Variants in PDZRN4 observed in about 807,000 individuals in gnomAD.
The protein encoded by PDZRN4 is PDZ domain-containing RING finger protein 4.
In PDZRN4, 70 loss-of-function variants were observed where a neutral mutation model predicts 99.0. The ratio of observed to expected loss-of-function variants is 0.71; its 90% CI spans 0.58 to 0.86. The LOEUF (loss-of-function observed/expected upper bound fraction) is 0.86. Ranked by LOEUF, PDZRN4 falls within the 40% of genes least tolerant of loss-of-function variation. PDZRN4 has a pLI of 0.00. For missense variants in PDZRN4, 1,474 were observed against 1,331.2 expected, an observed-to-expected ratio of 1.11 and a Z score of -1.67; for synonymous variants, 551 against 501.6, an observed-to-expected ratio of 1.10 and a Z score of -1.32.
At chr12:41,401,213 C>G (rs866221956) in intron 3 of PDZRN4, among the ~76,000 whole-genome samples, 1 of 152,062 alleles carries the variant, frequency 6.6e-6, no homozygotes, top group African/African-American at 2.4e-5. Flanking sequence ...CAAATTGTCA[C>G]CAACTTAACA....
intron 3 of PDZRN4, among the ~76,000 whole-genome samples, chr12:41,414,617 G>A (rs1201385047): frequency 2.6e-5 from 4 of 151,796 alleles, no homozygotes; most frequent in African/African-American, 4.8e-5. Flanking sequence ...AATAAATAAT[G>A]TACAACCATC....
intron 5 of PDZRN4, among the ~76,000 whole-genome samples, chr12:41,511,214 G>A (rs1325096125): frequency 6.6e-6 from 1 of 151,914 alleles, no homozygotes; most frequent in Non-Finnish European, 1.5e-5. Flanking sequence ...AGTGTGCTCG[G>A]GGAGGGCATA....
chr12:41,400,377 AAT>A (rs1336511124), intron 3 of PDZRN4, among the ~76,000 whole-genome samples: 1 of 152,124 alleles, frequency 6.6e-6, no homozygotes, highest in Non-Finnish European at 1.5e-5. Flanking sequence ...ATAGTCCACT[AAT>A]ATTCTTCTGA....
intron 3 of PDZRN4, among the ~76,000 whole-genome samples, chr12:41,274,541 C>T (rs914564741): frequency 6.6e-6 from 1 of 152,096 alleles, no homozygotes; most frequent in African/African-American, 2.4e-5. Context: ...ACCATAGATG[C>T]TCAGGGATAT....
At chr12:41,368,564 T>C (rs977816636) in intron 3 of PDZRN4, among the ~76,000 whole-genome samples, 1 of 152,040 alleles carries the variant, frequency 6.6e-6, no homozygotes, top group East Asian at 1.9e-4. Context: ...TCCAAATAAC[T>C]CTCAATCAAG....
chr12:41,433,506 T>G (rs932656798), intron 3 of PDZRN4, among the ~76,000 whole-genome samples: 1 of 152,174 alleles, frequency 6.6e-6, no homozygotes, highest in Non-Finnish European at 1.5e-5. Flanking sequence ...TCTCCTGAAA[T>G]GAATGCAGAA....
chr12:41,280,288 C>T (rs577658351), intron 3 of PDZRN4, among the ~76,000 whole-genome samples: 1 of 152,140 alleles, frequency 6.6e-6, no homozygotes, highest in Non-Finnish European at 1.5e-5. Flanking sequence ...ATTGGGCAGC[C>T]ATTTGGGCAG....
intron 7 of PDZRN4, among the ~76,000 whole-genome samples, chr12:41,562,702 G>T (rs975731336): frequency 3.3e-5 from 5 of 151,834 alleles, no homozygotes; most frequent in Non-Finnish European, 7.4e-5. Flanking sequence ...TTTAAAAAAA[G>T]AAACTTTACA....
chr12:41,533,293 G>A (rs761277276), intron 5 of PDZRN4, among the ~76,000 whole-genome samples: 7 of 151,756 alleles, frequency 4.6e-5, no homozygotes, highest in Non-Finnish European at 8.8e-5. Context: ...TCCCGCCTCA[G>A]CCTCCTGAGT....
intron 3 of PDZRN4, among the ~76,000 whole-genome samples, chr12:41,382,647 A>G (rs1428123393): frequency 6.6e-6 from 1 of 152,208 alleles, no homozygotes; most frequent in Non-Finnish European, 1.5e-5. Flanking sequence ...TGCCTTTTCC[A>G]AGATGCACCT....
chr12:41,224,483 C>T (rs1391453828), intron 3 of PDZRN4, among the ~76,000 whole-genome samples: 1 of 152,108 alleles, frequency 6.6e-6, no homozygotes, highest in Non-Finnish European at 1.5e-5. Context: ...GTGCATGACA[C>T]TTGATAAACT....
chr12:41,365,730 A>G (rs887892077), intron 3 of PDZRN4, among the ~76,000 whole-genome samples: 3 of 152,108 alleles, frequency 2.0e-5, no homozygotes, highest in African/African-American at 7.2e-5. Context: ...AACAACTTTT[A>G]CATCCTTCAG....
rs186822176 is a variant in PDZRN4, at chr12:41,346,235, G to A, written c.843+152047G>A. Among the ~76,000 whole-genome samples the A allele has an allele frequency of 1.2e-3, 181 of 152,256 alleles. 1 individual carries two copies. The highest frequency in any genetic ancestry group is 6.8e-3 in the Middle Eastern group (2 of 294). ...CCCAGCACTTTGGGAGGCCGAGGCG[G>A]GCAGATCACGAGGTCAGGAGATCGA... On this transcript the variant is annotated intron_variant, in intron 3 of 9. Coordinates refer to ENST00000402685, the MANE Select transcript of PDZRN4 (RefSeq NM_001164595.2).
intron 3 of PDZRN4, among the ~76,000 whole-genome samples, chr12:41,306,212 C>T (rs1410124708): frequency 2.6e-5 from 4 of 152,164 alleles, no homozygotes; most frequent in Non-Finnish European, 5.9e-5. Context: ...AGCGGTGGCT[C>T]TCTGTGGTAG....
At chr12:41,249,641 A>G (rs146283702) in intron 3 of PDZRN4, among the ~76,000 whole-genome samples, 151 of 152,306 alleles carry the variant, frequency 9.9e-4, no homozygotes, top group African/African-American at 3.5e-3. Flanking sequence ...TTCAACCTCA[A>G]TTATTTAAGA....
rs572931994 is a variant in PDZRN4, at chr12:41,233,007, T to C, written c.843+38819T>C. Among the ~76,000 whole-genome samples, 23 of 152,270 alleles carry C rather than the reference T, an allele frequency of 1.5e-4. No homozygotes were observed. In the South Asian group the frequency reaches 4.8e-3, roughly 32 times the overall value. On this transcript the variant is annotated intron_variant, in intron 3 of 9. Coordinates refer to ENST00000402685, the MANE Select transcript of PDZRN4 (RefSeq NM_001164595.2). ...TATGCGGCATTATTTCTGAGGGCTC[T>C]GTTCTGTTCCATTGGTCTATATCTC...
intron 3 of PDZRN4, among the ~76,000 whole-genome samples, chr12:41,464,429 G>T (rs577560459): frequency 6.5e-4 from 99 of 152,310 alleles, no homozygotes; most frequent in African/African-American, 2.3e-3. Context: ...ACTGGAGTCA[G>T]TCATTCATTC....
intron 3 of PDZRN4, among the ~76,000 whole-genome samples, chr12:41,299,430 G>A (rs1312755300): frequency 6.6e-6 from 1 of 152,058 alleles, no homozygotes; most frequent in East Asian, 1.9e-4. Flanking sequence ...CACAATTTGT[G>A]TGTAGTTTAT....
chr12:41,275,137 A>G (rs1207187987), intron 3 of PDZRN4, among the ~76,000 whole-genome samples: 2 of 152,068 alleles, frequency 1.3e-5, no homozygotes, highest in African/African-American at 4.8e-5. Flanking sequence ...GCCAGAAGCA[A>G]CTCTGGAAGG....
Sources: gnomAD v4.1 joint callset for allele counts (sites outside exome capture counted in the v4.1 genomes callset) on GRCh38, gnomAD v4.1.1 for gene constraint, MANE v1.5 for transcripts, NCBI Gene and HGNC (gene_info 2026-07-23, HGNC 2026-07-21) for gene names.